The following RPS6KC1 variants were observed in gnomAD, a reference collection of about 807,000 sequenced individuals.
RPS6KC1 encodes inactive ribosomal protein S6 kinase delta-1.
In RPS6KC1, 54 loss-of-function variants were observed where a neutral mutation model predicts 103.8. The observed-to-expected ratio is 0.52, with a 90% CI of 0.42 to 0.65. RPS6KC1 has a LOEUF of 0.65. Among genes scored for constraint, RPS6KC1 ranks in the 30% least tolerant of loss-of-function variants. RPS6KC1 has a pLI of 0.00. For synonymous variants in RPS6KC1, 439 were observed against 438.7 expected, an observed-to-expected ratio of 1.00 and a Z score of -0.01; for missense variants, 1,151 against 1,253.8, an observed-to-expected ratio of 0.92 and a Z score of 1.24.
At chr1:213,836,438 G>A in the RPS6KC1 span, among the ~76,000 whole-genome samples, 4 of 152,112 alleles carry the variant, frequency 2.6e-5, no homozygotes, top group African/African-American at 9.7e-5. Context: ...GAGCCATGAT[G>A]TGTGTTAAAA....
intron 1 of RPS6KC1, among the ~76,000 whole-genome samples, chr1:213,070,203 G>C (rs1572332038): frequency 6.6e-6 from 1 of 152,162 alleles, no homozygotes; most frequent in East Asian, 1.9e-4. Flanking sequence ...ACAGTTGTAA[G>C]AAATAATGTA....
At position 213,273,069 on chromosome 1, in the gene RPS6KC1, T is replaced by G. The variant is rs1341995482; in HGVS notation, c.*435T>G. On this transcript the variant is annotated 3_prime_UTR_variant, in exon 15 of 15. Transcript: ENST00000366960. ...AATTAATATTTGCTTAATAATACAC[T>G]AAAAGTATATGAACAATGTCATCAA... The G allele has an allele frequency of 6.3e-6, 1 of 157,706 alleles. No homozygotes were observed. Among genetic ancestry groups the G allele is most frequent in the East Asian group, 1.8e-4 (1 of 5,632 alleles). 9.8% of individuals were successfully genotyped at this position (157,706 alleles called of 1,614,324 possible). A position where few individuals can be genotyped will look rare whatever the true frequency, so the allele number is the denominator to read the frequency against.
intron 3 of RPS6KC1, among the ~76,000 whole-genome samples, chr1:213,101,357 A>G (rs947531402): frequency 6.6e-6 from 1 of 152,210 alleles, no homozygotes; most frequent in Non-Finnish European, 1.5e-5. Flanking sequence ...AATAGGATTC[A>G]ATGTAATTGA....
chr1:213,546,756 C>A, the RPS6KC1 span, among the ~76,000 whole-genome samples: 1 of 152,200 alleles, frequency 6.6e-6, no homozygotes, highest in Admixed American at 6.5e-5. Context: ...CCCCCACCAA[C>A]CCTCACACCA....
At chr1:213,717,360 A>T in the RPS6KC1 span, among the ~76,000 whole-genome samples, 12 of 152,214 alleles carry the variant, frequency 7.9e-5, no homozygotes, top group Admixed American at 7.2e-4. Context: ...ATGGACTTTG[A>T]AGGATAAATA....
At chr1:213,537,637 T>A in the RPS6KC1 span, among the ~76,000 whole-genome samples, 11 of 152,242 alleles carry the variant, frequency 7.2e-5, no homozygotes, top group African/African-American at 2.6e-4. Context: ...GTGAGCTTCT[T>A]TCCTCTTGAT....
At chr1:213,391,134 G>C in the RPS6KC1 span, among the ~76,000 whole-genome samples, 2 of 152,134 alleles carry the variant, frequency 1.3e-5, no homozygotes, top group Non-Finnish European at 2.9e-5. Context: ...TCACCTGTTT[G>C]CAGTCTAGGA....
chr1:213,703,748 G>T, the RPS6KC1 span, among the ~76,000 whole-genome samples: 1 of 152,060 alleles, frequency 6.6e-6, no homozygotes, highest in Non-Finnish European at 1.5e-5. Context: ...CTGCTTTTAG[G>T]ATGCTTTCTT....
chr1:213,381,307 G>T, the RPS6KC1 span, among the ~76,000 whole-genome samples: 27 of 152,004 alleles, frequency 1.8e-4, no homozygotes, highest in African/African-American at 6.5e-4. Flanking sequence ...TTTCCTCCTC[G>T]CTCCTTCTTT....
At chr1:213,859,926 A>C in the RPS6KC1 span, among the ~76,000 whole-genome samples, 36 of 152,228 alleles carry the variant, frequency 2.4e-4, no homozygotes, top group Admixed American at 2.0e-3. Flanking sequence ...GCATAATGTA[A>C]GCACCCATCT....
At chr1:213,275,249 A>G (rs987207561), downstream of RPS6KC1, among the ~76,000 whole-genome samples, 1 of 152,200 alleles carries the variant, frequency 6.6e-6, no homozygotes, top group Non-Finnish European at 1.5e-5. Context: ...GCTGTTGTGA[A>G]TAATGCCATT....
chr1:213,457,751 A>C, the RPS6KC1 span, among the ~76,000 whole-genome samples: 1 of 152,326 alleles, frequency 6.6e-6, no homozygotes, highest in East Asian at 1.9e-4. Flanking sequence ...GAACAATTGG[A>C]TCAATAACTT....
At chr1:213,698,404 G>A in the RPS6KC1 span, among the ~76,000 whole-genome samples, 1 of 152,158 alleles carries the variant, frequency 6.6e-6, no homozygotes, top group Non-Finnish European at 1.5e-5. Context: ...AAATGGTTAT[G>A]AAATTTTGAG....
At chr1:213,603,298 T>C in the RPS6KC1 span, among the ~76,000 whole-genome samples, 6 of 152,200 alleles carry the variant, frequency 3.9e-5, no homozygotes, top group Non-Finnish European at 5.9e-5. Context: ...AACTGCACCA[T>C]GTGACCTCAC....
the RPS6KC1 span, among the ~76,000 whole-genome samples, chr1:213,754,807 G>A: frequency 1.1e-4 from 16 of 152,264 alleles, no homozygotes; most frequent in African/African-American, 3.9e-4. Flanking sequence ...ATCCCATTGG[G>A]CATCAGGGCT....
intron 7 of RPS6KC1, among the ~76,000 whole-genome samples, chr1:213,175,404 G>A (rs1250076003): frequency 6.6e-6 from 1 of 152,158 alleles, no homozygotes; most frequent in African/African-American, 2.4e-5. Flanking sequence ...GGGTCAGAAT[G>A]TTTCCGCTGT....
chr1:213,684,991 C>T, the RPS6KC1 span, among the ~76,000 whole-genome samples: 1 of 152,192 alleles, frequency 6.6e-6, no homozygotes, highest in East Asian at 1.9e-4. Context: ...GCATTTCTGT[C>T]ACTTGCATCA....
At chr1:213,180,488 T>C (rs1456652829) in intron 8 of RPS6KC1, among the ~76,000 whole-genome samples, 1 of 152,064 alleles carries the variant, frequency 6.6e-6, no homozygotes, top group Non-Finnish European at 1.5e-5. Flanking sequence ...CCTTTAGATC[T>C]TAAGAGTTTC....
Position 213,261,843 on chromosome 1 carries a change from T to C in RPS6KC1, c.2994+203T>C, listed in dbSNP as rs11811152. On this transcript the variant is annotated intron_variant, in intron 13 of 14. Transcript: ENST00000366960. ...GATTGCATTACATTGAATAAATTGA[T>C]GGTAAAGTTATTTTATGTCACAATA... Among the ~76,000 whole-genome samples, 689 of 152,318 alleles carry C rather than the reference T, an allele frequency of 4.5e-3. 4 individuals carry two copies. Among genetic ancestry groups the C allele is most frequent in the African/African-American group, 0.016 (665 of 41,572 alleles).
Sources: gnomAD v4.1 joint callset for allele counts (sites outside exome capture counted in the v4.1 genomes callset) on GRCh38, gnomAD v4.1.1 for gene constraint, MANE v1.5 for transcripts, NCBI Gene and HGNC (gene_info 2026-07-23, HGNC 2026-07-21) for gene names.